The following NWD2 variants were observed in gnomAD, a reference collection of about 807,000 sequenced individuals.
The protein encoded by NWD2 is NACHT and WD repeat domain-containing protein 2.
A neutral mutation model predicts 132.7 loss-of-function variants in NWD2; 37 were observed. That is an observed-to-expected ratio of 0.28 (90% CI 0.21 to 0.37). NWD2 has a LOEUF of 0.37. Ranked by LOEUF, NWD2 falls within the 10% of genes least tolerant of loss-of-function variation. The pLI is 1.00. For missense variants in NWD2, 1,592 were observed against 2,122.4 expected (o/e 0.75, Z 4.91); for synonymous variants, 705 against 803.0 (o/e 0.88, Z 2.06).
chr4:37,374,390 C>A (rs988385693), intron 3 of NWD2, among the ~76,000 whole-genome samples: 1 of 152,166 alleles, frequency 6.6e-6, no homozygotes, highest in Non-Finnish European at 1.5e-5. Context: ...AATTACTTAG[C>A]CTCGGGTATT....
chr4:37,319,467 C>G (rs1348895073), intron 1 of NWD2, among the ~76,000 whole-genome samples: 1 of 152,032 alleles, frequency 6.6e-6, no homozygotes, highest in Non-Finnish European at 1.5e-5. Flanking sequence ...TGTGCAGAAG[C>G]TTTTTTATTT....
intron 1 of NWD2, among the ~76,000 whole-genome samples, chr4:37,267,091 G>A (rs1353346002): frequency 3.9e-5 from 6 of 151,910 alleles, no homozygotes; most frequent in African/African-American, 1.4e-4. Flanking sequence ...AACTCATGTG[G>A]TCATAAAGGG....
At chr4:37,340,854 C>T (rs1719505173) in intron 2 of NWD2, among the ~76,000 whole-genome samples, 1 of 152,180 alleles carries the variant, frequency 6.6e-6, no homozygotes, top group South Asian at 2.1e-4. Flanking sequence ...ATCTTACCTT[C>T]TTCATTTTAT....
chr4:37,432,381 A>AT (rs1491438382), intron 4 of NWD2, among the ~76,000 whole-genome samples: 3 of 145,504 alleles, frequency 2.1e-5, no homozygotes, highest in Admixed American at 6.8e-5. Flanking sequence ...AAAAAAAAAA[A>AT]ATCAAGAAAA....
At chr4:37,297,199 A>C (rs1386894159) in intron 1 of NWD2, among the ~76,000 whole-genome samples, 1 of 152,148 alleles carries the variant, frequency 6.6e-6, no homozygotes, top group African/African-American at 2.4e-5. Flanking sequence ...GCACATGCTC[A>C]AGTCCCCCTT....
chr4:37,293,283 G>A (rs1163541171), intron 1 of NWD2, among the ~76,000 whole-genome samples: 2 of 152,100 alleles, frequency 1.3e-5, no homozygotes, highest in Non-Finnish European at 2.9e-5. Context: ...ATAGGTATTT[G>A]TGTCATTGTC....
chr4:37,439,601 T>A lies in NWD2; in HGVS notation c.1296+211T>A, dbSNP rs1227539564. Among the ~76,000 whole-genome samples the A allele has an allele frequency of 1.3e-5, 2 of 152,200 alleles. No homozygotes were observed. Among genetic ancestry groups the A allele is most frequent in the African/African-American group, 4.8e-5 (2 of 41,456 alleles). On this transcript the variant is annotated intron_variant, in intron 6 of 6. Transcript: ENST00000309447. This position sits in a 1 kb window ranked among gnomAD's most constrained non-coding sequence, Gnocchi z 4.5. ...GGGTACAACTGGAAAGCAAGTTTAT[T>A]TTTTTCTTTCACTGTTCAGACTCAT...
chr4:37,259,506 A>T (rs1370424378), intron 1 of NWD2, among the ~76,000 whole-genome samples: 1 of 152,150 alleles, frequency 6.6e-6, no homozygotes, highest in Non-Finnish European at 1.5e-5. Context: ...TGAGTCCTGG[A>T]CATTCCTGCA....
intron 3 of NWD2, among the ~76,000 whole-genome samples, chr4:37,366,384 G>A (rs1720100006): frequency 6.6e-6 from 1 of 151,884 alleles, no homozygotes; most frequent in African/African-American, 2.4e-5. Context: ...GTCTAACATA[G>A]GAAAGGAACC....
intron 1 of NWD2, among the ~76,000 whole-genome samples, chr4:37,276,395 A>C (rs146394525): frequency 0.18 from 26,628 of 152,092 alleles, 2,687 homozygotes; most frequent in South Asian, 0.32. Context: ...CAATGAGATA[A>C]CCTCTCACAC....
chr4:37,380,521 A>G (rs528865303), intron 3 of NWD2, among the ~76,000 whole-genome samples: 22 of 152,354 alleles, frequency 1.4e-4, no homozygotes, highest in African/African-American at 5.3e-4. Context: ...AAGATCAAAT[A>G]GGATATTGTG....
chr4:37,425,151 T>C (rs1248256429), intron 3 of NWD2, among the ~76,000 whole-genome samples: 1 of 152,104 alleles, frequency 6.6e-6, no homozygotes, highest in Admixed American at 6.5e-5. Flanking sequence ...TATTTTTTAA[T>C]TGTGGTGAAA....
chr4:37,274,405 C>A (rs1717944526), intron 1 of NWD2, among the ~76,000 whole-genome samples: 1 of 152,044 alleles, frequency 6.6e-6, no homozygotes, highest in African/African-American at 2.4e-5. Flanking sequence ...TCTGAATAGA[C>A]CAATAACAGG....
At chr4:37,251,901 G>A (rs933229735) in intron 1 of NWD2, among the ~76,000 whole-genome samples, 2 of 152,220 alleles carry the variant, frequency 1.3e-5, no homozygotes, top group African/African-American at 4.8e-5. Flanking sequence ...CTGTTCTGGT[G>A]CTTAGCATAC....
chr4:37,359,315 C>A (rs1410598549), intron 3 of NWD2, among the ~76,000 whole-genome samples: 1 of 152,082 alleles, frequency 6.6e-6, no homozygotes, highest in African/African-American at 2.4e-5. Context: ...TAAAACCCTG[C>A]AGATAGAGCT....
At chr4:37,412,238 A>G (rs868368451) in intron 3 of NWD2, among the ~76,000 whole-genome samples, 1 of 152,206 alleles carries the variant, frequency 6.6e-6, no homozygotes, top group African/African-American at 2.4e-5. Flanking sequence ...AGAAAACCCC[A>G]TCATCTCAGC....
intron 2 of NWD2, among the ~76,000 whole-genome samples, chr4:37,351,166 T>C (rs901109838): frequency 6.6e-6 from 1 of 152,070 alleles, no homozygotes; most frequent in African/African-American, 2.4e-5. Context: ...CTCTGCCAGG[T>C]TTTGGTATCA....
In NWD2 at chr4:37,439,752, C is replaced by T. The variant is rs1447711085; in HGVS notation, c.1296+362C>T. On this transcript the variant is annotated intron_variant, in intron 6 of 6. Coordinates refer to ENST00000309447, the MANE Select transcript of NWD2 (RefSeq NM_001144990.2). The surrounding 1 kb of genome is among the most constrained non-coding windows in gnomAD (Gnocchi z 4.5). ...CACTCCAGTCTGCTAAATCAGTCTC[C>T]GTTCAGTAATGAGTATGTCCAGGCT... Among the ~76,000 whole-genome samples, 1 of 152,154 alleles carries T rather than the reference C, an allele frequency of 6.6e-6. No individual in the cohort carries two copies. The highest frequency in any genetic ancestry group is 2.1e-4 in the South Asian group (1 of 4,824).
chr4:37,259,472 G>A (rs1210375199), intron 1 of NWD2, among the ~76,000 whole-genome samples: 1 of 152,268 alleles, frequency 6.6e-6, no homozygotes, highest in South Asian at 2.1e-4. Context: ...GGAGGTCATG[G>A]CATGAAGTGT....
Sources: allele counts gnomAD v4.1 joint callset (sites outside exome capture counted in the v4.1 genomes callset), GRCh38; gene constraint gnomAD v4.1.1; non-coding constraint Gnocchi (gnomAD v3.1); transcripts MANE v1.5; gene names NCBI Gene and HGNC (gene_info 2026-07-23, HGNC 2026-07-21).